SLC2A5: variants seen among roughly 807,000 people sequenced by gnomAD.
SLC2A5 encodes solute carrier family 2 member 5.
In SLC2A5, 56 loss-of-function variants were observed where a neutral mutation model predicts 50.3. The observed-to-expected ratio is 1.11, with a 90% confidence interval of 0.90 to 1.39. The LOEUF (loss-of-function observed/expected upper bound fraction) is 1.39. Ranked by LOEUF, SLC2A5 falls within the 40% of genes most tolerant of loss-of-function variation. The probability of loss-of-function intolerance (pLI) is 0.00; values close to 1 mark genes in which losing one functional copy is unlikely to be tolerated. For missense variants in SLC2A5, 566 were observed against 650.1 expected, an observed-to-expected ratio of 0.87 and a Z score of 1.41; for synonymous variants, 269 against 281.9, an observed-to-expected ratio of 0.95 and a Z score of 0.46.
In SLC2A5 at chr1:9,048,965, T is replaced by A. The variant is rs1301869714; in HGVS notation, c.294-1231A>T. On this transcript the variant is annotated intron_variant, in intron 3 of 11. Coordinates refer to ENST00000377424, the MANE Select transcript of SLC2A5 (RefSeq NM_003039.3). ...AGCCACTGCGCCCAGCCATTTTTTT[T>A]AAAACCAGCCTTAACAAACTATAAA... 12 of 349,766 alleles carry A rather than the reference T, an allele frequency of 3.4e-5. 2 individuals carry two copies. The highest frequency in any genetic ancestry group is 1.8e-4 in the South Asian group (8 of 45,606). 21.7% of individuals were successfully genotyped at this position (349,766 alleles called of 1,614,324 possible).
At chr1:9,081,261 G>GAA (rs869191087) in intron 2 of SLC2A5, among the ~76,000 whole-genome samples, 102 of 25,450 alleles carry the variant, frequency 4.0e-3, no homozygotes, top group Non-Finnish European at 6.2e-3. Context: ...CCTTGTTTCA[G>GAA]AAAAAAAAAA....
At chr1:9,078,892 A>ATTCCTT (rs1487605075) in intron 2 of SLC2A5, among the ~76,000 whole-genome samples, 2 of 152,200 alleles carry the variant, frequency 1.3e-5, no homozygotes, top group Non-Finnish European at 2.9e-5. Context: ...ATAAGGAAGG[A>ATTCCTT]ATCATTAACA....
intron 5 of SLC2A5, chr1:9,041,269 C>T (rs1641295183): frequency 2.5e-6 from 1 of 403,828 alleles, no homozygotes; most frequent in Non-Finnish European, 4.3e-6. Flanking sequence ...ATGCCAGGCC[C>T]CAGGCTGTCT....
intron 2 of SLC2A5, 78 bp downstream of exon 2, chr1:9,058,074 C>T (rs899046586): frequency 2.9e-6 from 3 of 1,041,774 alleles, no homozygotes; most frequent in Non-Finnish European, 4.5e-6. Flanking sequence ...CGTGAACAGC[C>T]CCACGCTGGC....
Position 9,061,694 on chromosome 1 carries a change from C to A in SLC2A5, c.34-3444G>T, listed in dbSNP as rs188267408. 6.7e-3 allele frequency among the ~76,000 whole-genome samples: 1,018 copies of A among 152,244 alleles called. 6 individuals are homozygous for A. The highest frequency in any genetic ancestry group is 0.01 in the Admixed American group (160 of 15,282). Reference sequence around the variant, plus strand: ...TCACACAGCCAAGTGCAGCTCTTGACCACTCCCTCAGTCTGATGAGTGCCC... The same window carrying A: ...TCACACAGCCAAGTGCAGCTCTTGAACACTCCCTCAGTCTGATGAGTGCCC... On this transcript the variant is annotated intron_variant, in intron 1 of 11. Coordinates refer to ENST00000377424, the MANE Select transcript of SLC2A5 (RefSeq NM_003039.3).
intron 4 of SLC2A5, among the ~76,000 whole-genome samples, chr1:9,042,202 G>T (rs1557663711): frequency 6.6e-6 from 1 of 152,114 alleles, no homozygotes; most frequent in South Asian, 2.1e-4. Context: ...CGGCCTTCCC[G>T]CTCCCTGGCC....
intron 1 of SLC2A5, among the ~76,000 whole-genome samples, chr1:9,065,053 C>CAAAAA (rs199947177): frequency 9.3e-6 from 1 of 107,234 alleles, no homozygotes; most frequent in African/African-American, 3.0e-5. Context: ...GATTCTGTCT[C>CAAAAA]AAAAAAAAAA....
chr1:9,065,625 T>C (rs139274898), intron 1 of SLC2A5, among the ~76,000 whole-genome samples: 77 of 151,730 alleles, frequency 5.1e-4, no homozygotes, highest in Non-Finnish European at 1.1e-3. Context: ...AGCCCAGGAG[T>C]GTGGGCTCGA....
Position 9,036,421 on chromosome 1 carries a change from A to C in SLC2A5, c.*1165T>G, listed in dbSNP as rs926739897. On this transcript the variant is annotated 3_prime_UTR_variant, in exon 12 of 12. Coordinates refer to ENST00000377424, the MANE Select transcript of SLC2A5 (RefSeq NM_003039.3). ...GCAATTTCAGCTCACTGCAACCTCT[A>C]CTTCCCAGGCTTAAGCAATCCTCCC... 1 of 152,158 alleles carries C rather than the reference A, an allele frequency of 6.6e-6. No individual in the cohort carries two copies. The highest frequency in any genetic ancestry group is 1.5e-5 in the Non-Finnish European group (1 of 68,038). 9.4% of individuals were successfully genotyped at this position (152,158 alleles called of 1,614,324 possible).
chr1:9,090,657 T>C (rs1642453017), upstream of SLC2A5, among the ~76,000 whole-genome samples: 1 of 152,204 alleles, frequency 6.6e-6, no homozygotes, highest in East Asian at 1.9e-4. Flanking sequence ...TAAAGATGCC[T>C]TTTTTACTAT....
At chr1:9,057,427 T>G in intron 3 of SLC2A5, 21 bp downstream of exon 3, 1 of 1,590,868 alleles carries the variant, frequency 6.3e-7, no homozygotes, top group African/African-American at 1.4e-5. Context: ...TTCAGGGAAT[T>G]AAAAATTCAC....
chr1:9,072,893 C>T (rs968659361), upstream of SLC2A5, among the ~76,000 whole-genome samples: 3 of 151,180 alleles, frequency 2.0e-5, no homozygotes, highest in South Asian at 2.1e-4. Flanking sequence ...ACCCAAGAGG[C>T]GGAAGTTGCA....
At chr1:9,065,151 C>T (rs1267747254) in intron 1 of SLC2A5, among the ~76,000 whole-genome samples, 1 of 152,096 alleles carries the variant, frequency 6.6e-6, no homozygotes, top group Non-Finnish European at 1.5e-5. Flanking sequence ...AATCACTCCT[C>T]TCCTGATTTG....
chr1:9,039,775 T>A, intron 7 of SLC2A5, 25 bp downstream of exon 7: 1 of 1,468,136 alleles, frequency 6.8e-7, no homozygotes, highest in East Asian at 2.8e-5. Flanking sequence ...CCTCCCCAGC[T>A]CCCGAGCCGC....
In SLC2A5 at chr1:9,060,716, A is replaced by AC. The variant is rs200728382; in HGVS notation, c.34-2467dup. ...AGCCCACCCCACACACACACAGCCCACCCCCCACACACACATATGCACACA... is the reference window on the plus strand; with the variant it reads ...AGCCCACCCCACACACACACAGCCCACCCCCCCACACACACATATGCACACA... On this transcript the variant is annotated intron_variant, in intron 1 of 11. Coordinates refer to ENST00000377424, the MANE Select transcript of SLC2A5 (RefSeq NM_003039.3). Among the ~76,000 whole-genome samples the AC allele has an allele frequency of 7.9e-5, 9 of 113,290 alleles. 1 individual carries two copies. Among genetic ancestry groups the AC allele is most frequent in the African/African-American group, 3.0e-4 (9 of 30,058 alleles). 74.3% of individuals were successfully genotyped at this position (113,290 alleles called of 152,430 possible).
rs1347696339 is a variant in SLC2A5, at chr1:9,058,139, C to T, written c.132+13G>A. ...AACGTCCTCCCCACATCTTGCTCAC[C>T]ACAGTGACCTACCAGTGCTGGGGAG... On this transcript the variant is annotated intron_variant, in intron 2 of 11. Transcript: ENST00000377424. The T allele has an allele frequency of 1.2e-6, 2 of 1,601,934 alleles. No individual in the cohort carries two copies. The highest frequency in any genetic ancestry group is 1.7e-6 in the Non-Finnish European group (2 of 1,168,958).
rs748856047 is a variant in SLC2A5, at chr1:9,037,793, C to T, written c.1303-4G>A. The T allele has an allele frequency of 1.4e-5, 23 of 1,614,074 alleles. No homozygotes were observed. Among genetic ancestry groups the T allele is most frequent in the Middle Eastern group, 1.6e-4 (1 of 6,062 alleles). Reference sequence around the variant, plus strand: ...AGCTGTACGGGCCGAGGCCCTCCTGCGGGAAGAGGGGCAGGTGACACGTGT... The same window carrying T: ...AGCTGTACGGGCCGAGGCCCTCCTGTGGGAAGAGGGGCAGGTGACACGTGT... On this transcript the variant is annotated splice_region_variant and splice_polypyrimidine_tract_variant and intron_variant, in intron 11 of 11. Coordinates refer to ENST00000377424, the MANE Select transcript of SLC2A5 (RefSeq NM_003039.3).
At chr1:9,063,986 C>T (rs1026274096) in intron 1 of SLC2A5, among the ~76,000 whole-genome samples, 1 of 130,450 alleles carries the variant, frequency 7.7e-6, no homozygotes, top group Non-Finnish European at 1.6e-5. Flanking sequence ...TGAGCCACCG[C>T]GCCCGGCCTA....
At chr1:9,059,321 T>G (rs1641844974) in intron 1 of SLC2A5, among the ~76,000 whole-genome samples, 1 of 151,324 alleles carries the variant, frequency 6.6e-6, no homozygotes, top group Non-Finnish European at 1.5e-5. Flanking sequence ...TTTTTGTATT[T>G]TTTAGTAGAG....
Sources: allele counts gnomAD v4.1 joint callset (sites outside exome capture counted in the v4.1 genomes callset), GRCh38; gene constraint gnomAD v4.1.1; transcripts MANE v1.5; gene names NCBI Gene and HGNC (gene_info 2026-07-23, HGNC 2026-07-21).